The following PNPLA6 variants were observed in gnomAD, a reference collection of about 807,000 sequenced individuals.
The protein encoded by PNPLA6 is patatin like domain 6, lysophospholipase.
A neutral mutation model predicts 153.7 loss-of-function variants in PNPLA6; 105 were observed. The ratio of observed to expected loss-of-function variants is 0.68; its 90% CI spans 0.58 to 0.80. PNPLA6 has a LOEUF of 0.80. Among genes scored for constraint, PNPLA6 ranks in the 30% least tolerant of loss-of-function variants. PNPLA6 has a pLI of 0.00. For missense variants in PNPLA6, 1,423 were observed against 1,919.3 expected (o/e 0.74, Z 4.83); for synonymous variants, 825 against 822.2 (o/e 1.00, Z -0.06).
chr19:7,544,790 G>A (rs1413264391), intron 13 of PNPLA6, among the ~76,000 whole-genome samples: 2 of 152,094 alleles, frequency 1.3e-5, no homozygotes, highest in Admixed American at 1.3e-4. Flanking sequence ...GGCAGGGATG[G>A]GCTCTTTTCT....
At position 7,554,982 on chromosome 19, in the gene PNPLA6, C is replaced by G. The variant is rs745935188; in HGVS notation, c.2724C>G (p.Thr908=). The change falls in exon 22 of 32, where the codon ACC becomes ACG. Residue 908 remains threonine (T), a synonymous_variant. Transcript: ENST00000600737. ...HREEGAGPTR[T]VEWLNMRSWC... is the part of the protein sequence containing the mutation. ...AGGAGGGCGCGGGCCCCACGCGCACCGTGGAGTGGCTAAATATGCGCAGCT... is the reference window on the plus strand; with the variant it reads ...AGGAGGGCGCGGGCCCCACGCGCACGGTGGAGTGGCTAAATATGCGCAGCT... 1 of 1,593,654 alleles carries G rather than the reference C, an allele frequency of 6.3e-7. No homozygotes were observed. The highest frequency in any genetic ancestry group is 2.2e-5 in the East Asian group (1 of 44,656).
Position 7,540,627 on chromosome 19 carries a change from C to G in PNPLA6, c.715-3C>G. 6.2e-7 allele frequency: 1 copy of G among 1,612,696 alleles called. No individual in the cohort carries two copies. The highest frequency in any genetic ancestry group is 8.5e-7 in the Non-Finnish European group (1 of 1,178,710). Reference sequence around the variant, plus strand: ...TGAGGGTCCACGGTCTCCTGTGTCTCAGGACGGGAAGGAGTGTGTGGTGAA... The same window carrying G: ...TGAGGGTCCACGGTCTCCTGTGTCTGAGGACGGGAAGGAGTGTGTGGTGAA... On this transcript the variant is annotated splice_polypyrimidine_tract_variant and splice_region_variant and intron_variant, in intron 5 of 31. Coordinates refer to ENST00000600737, the MANE Select transcript of PNPLA6 (RefSeq NM_001166114.2). This position sits in a 1 kb window ranked among gnomAD's most constrained non-coding sequence, Gnocchi z 6.8.
At chr19:7,536,376 C>T (rs2022870623) in intron 2 of PNPLA6, 73 bp from the exon 3 acceptor site, 5 of 1,375,310 alleles carry the variant, frequency 3.6e-6, no homozygotes, top group East Asian at 2.3e-5. Flanking sequence ...TTGATGGAGA[C>T]CCCCTGGATC....
chr19:7,560,203 G>A (rs958659566), intron 28 of PNPLA6, among the ~76,000 whole-genome samples: 2 of 151,892 alleles, frequency 1.3e-5, no homozygotes, highest in East Asian at 1.9e-4. Context: ...TAAAAAGAAA[G>A]AAATTGATCA....
At chr19:7,534,270 G>T (rs1179010891), upstream of PNPLA6, 1 of 281,986 alleles carries the variant, frequency 3.5e-6, no homozygotes, top group South Asian at 3.5e-5. Flanking sequence ...GCCTCGCAGG[G>T]GTGTCCCTTC....
rs1466764526 is a variant in PNPLA6, at chr19:7,539,969, G to A, written c.465G>A (p.Pro155=). 3.8e-6 allele frequency: 6 copies of A among 1,566,988 alleles called. No homozygotes were observed. The East Asian group carries it at 7.1e-5, about 19-fold the overall frequency. ...ETPTLQRKEP[P]PAVLEADLTE... Reference sequence around the variant, plus strand: ...CCACGCTGCAGCGGAAGGAGCCCCCGCCCGCAGTGCTAGAAGCTGACCTGA... The same window carrying A: ...CCACGCTGCAGCGGAAGGAGCCCCCACCCGCAGTGCTAGAAGCTGACCTGA... The change falls in exon 4 of 32, where the codon CCG becomes CCA. Residue 155 remains proline, a synonymous_variant. Transcript: ENST00000600737.
At chr19:7,550,219 G>T (rs2023582620) in intron 14 of PNPLA6, 79 bp from the exon 15 acceptor site, 1 of 1,609,946 alleles carries the variant, frequency 6.2e-7, no homozygotes, top group African/African-American at 1.3e-5. Flanking sequence ...GCAGAAGGGA[G>T]CCCCCAGATC....
Position 7,561,299 on chromosome 19 carries a change from C to T in PNPLA6, c.4005C>T (p.Pro1335=). ...DEGGSPEGAS[P]STASEMEEEK... ...GGGGGTCCCCCGAGGGCGCAAGCCC[C>T]AGCACTGCCTCCGAGATGGTGAGAG... The change falls in exon 31 of 32, where the codon CCC becomes CCT. Residue 1335 remains proline, a synonymous_variant. Transcript: ENST00000600737. 6.2e-7 allele frequency: 1 copy of T among 1,606,402 alleles called. No individual in the cohort carries two copies. The highest frequency in any genetic ancestry group is 8.5e-7 in the Non-Finnish European group (1 of 1,177,210).
chr19:7,557,095 A>G lies in PNPLA6; in HGVS notation c.3281-73A>G, dbSNP rs2446176. On this transcript the variant is annotated intron_variant, in intron 26 of 31. Coordinates refer to ENST00000600737, the MANE Select transcript of PNPLA6 (RefSeq NM_001166114.2). ...AACAACGTCCCAGGTCAGCGAGCCC[A>G]TCGGGCCGGCTGGGCCTCCGGCGTG... 913,267 of 1,156,734 alleles carry G rather than the reference A, an allele frequency of 0.79. 362,937 individuals are homozygous for G. The highest frequency in any genetic ancestry group is 0.92 in the African/African-American group (60,836 of 66,368). 71.7% of individuals were successfully genotyped at this position (1,156,734 alleles called of 1,614,324 possible). A position where few individuals can be genotyped will look rare whatever the true frequency, so the allele number is the denominator to read the frequency against.
chr19:7,558,706 T>G (rs1373854664), intron 27 of PNPLA6, 144 bp from the exon 28 acceptor site: 1 of 659,896 alleles, frequency 1.5e-6, no homozygotes. Flanking sequence ...CGTCTGTGCA[T>G]GACAGCATGG....
chr19:7,536,315 G>T (rs376859820), intron 2 of PNPLA6, 42 bp downstream of exon 2: 3 of 1,512,738 alleles, frequency 2.0e-6, no homozygotes, highest in African/African-American at 2.7e-5. Flanking sequence ...CCACACAGAG[G>T]CCGCGCCCCT....
At chr19:7,550,768 C>T in intron 16 of PNPLA6, 128 bp downstream of exon 16, 1 of 1,242,762 alleles carries the variant, frequency 8.0e-7, no homozygotes, top group Non-Finnish European at 1.1e-6. Context: ...TCACCCAGTC[C>T]ACTCCCCGCC....
intron 18 of PNPLA6, 68 bp from the exon 19 acceptor site, chr19:7,553,807 G>A (rs2146099231): frequency 1.3e-6 from 2 of 1,589,046 alleles, no homozygotes; most frequent in Non-Finnish European, 1.7e-6. Context: ...GGAAGAAGAG[G>A]AGGAGGAGGG....
At chr19:7,535,573 G>A, upstream of PNPLA6, 1 of 1,605,322 alleles carries the variant, frequency 6.2e-7, no homozygotes, top group South Asian at 1.1e-5. The surrounding 1 kb of genome is among the most constrained non-coding windows in gnomAD (Gnocchi z 5.0). Context: ...CTGCAAACTG[G>A]AATGGTAAGG....
intron 20 of PNPLA6, 141 bp downstream of exon 20, chr19:7,554,413 G>A: frequency 1.6e-6 from 2 of 1,241,992 alleles, no homozygotes; most frequent in Non-Finnish European, 1.2e-6. Context: ...TCGCAGTGGT[G>A]TGAATCTGCC....
chr19:7,558,804 C>T, intron 27 of PNPLA6, 46 bp from the exon 28 acceptor site: 1 of 1,472,408 alleles, frequency 6.8e-7, no homozygotes, highest in Non-Finnish European at 9.3e-7. Flanking sequence ...CATCTCTGCC[C>T]CGGGCCCCCG....
In PNPLA6 at chr19:7,543,095, C is replaced by T. The variant is rs368627125; in HGVS notation, c.1608+11C>T. 2.1e-4 allele frequency: 345 copies of T among 1,609,028 alleles called. No individual in the cohort carries two copies. Among genetic ancestry groups the T allele is most frequent in the Middle Eastern group, 6.6e-4 (4 of 6,074 alleles). Reference sequence around the variant, plus strand: ...CGCCAGGGAGACCAGGTGAGGCTGACCCCTGACCTGTAACCATGCCACCTG... The same window carrying T: ...CGCCAGGGAGACCAGGTGAGGCTGATCCCTGACCTGTAACCATGCCACCTG... On this transcript the variant is annotated intron_variant, in intron 13 of 31. Transcript: ENST00000600737.
Position 7,550,577 on chromosome 19 carries a change from C to A in PNPLA6, c.2007C>A (p.Ile669=), listed in dbSNP as rs2023599627. 1 of 1,613,072 alleles carries A rather than the reference C, an allele frequency of 6.2e-7. No individual in the cohort carries two copies. The highest frequency in any genetic ancestry group is 8.5e-7 in the Non-Finnish European group (1 of 1,179,914). ...TCAATGGGCGGCTGCGTAGCGTGAT[C>A]CAGCGAGGCAGTGGCAAGAAGGAGC... ...IVLNGRLRSV[I]QRGSGKKELV... is the part of the protein sequence containing the mutation. Residue 669 remains isoleucine (I), a synonymous_variant, in exon 16 of 32, where the codon ATC becomes ATA. Coordinates refer to ENST00000600737, the MANE Select transcript of PNPLA6 (RefSeq NM_001166114.2).
chr19:7,555,445 G>A lies in PNPLA6; in HGVS notation c.2936+78G>A. 1 of 1,343,460 alleles carries A rather than the reference G, an allele frequency of 7.4e-7. No individual in the cohort carries two copies. Among genetic ancestry groups the A allele is most frequent in the Non-Finnish European group, 1.0e-6 (1 of 971,378 alleles). The allele number at this position is 1,343,460 out of a possible 1,614,324, so 83.2% of individuals were successfully genotyped here. On this transcript the variant is annotated intron_variant, in intron 23 of 31. Transcript: ENST00000600737. The surrounding 1 kb of genome is among the most constrained non-coding windows in gnomAD (Gnocchi z 6.3). ...GCTTCCTGGGAGAAACCGTGGGGGCGGGGCCTGGGTGTTCGAGGGTGGAGC... is the reference window on the plus strand; with the variant it reads ...GCTTCCTGGGAGAAACCGTGGGGGCAGGGCCTGGGTGTTCGAGGGTGGAGC...
Sources: gnomAD v4.1 joint callset for allele counts (sites outside exome capture counted in the v4.1 genomes callset) on GRCh38, gnomAD v4.1.1 for gene constraint, Gnocchi (gnomAD v3.1) non-coding constraint, MANE v1.5 for transcripts, NCBI Gene and HGNC (gene_info 2026-07-23, HGNC 2026-07-21) for gene names.